ASTN2: variants seen among roughly 807,000 people sequenced by gnomAD.
ASTN2 encodes astrotactin-2.
Under a neutral mutation model 139.8 loss-of-function variants are expected in ASTN2, and 54 were observed. The ratio of observed to expected loss-of-function variants is 0.39; its 90% CI spans 0.31 to 0.48. ASTN2 has a LOEUF of 0.48. ASTN2 is among the 20% of genes least tolerant of loss of function. The probability of loss-of-function intolerance (pLI) is 0.95; values close to 1 mark genes in which losing one functional copy is unlikely to be tolerated. For synonymous variants in ASTN2, 756 were observed against 719.5 expected, an observed-to-expected ratio of 1.05 and a Z score of -0.81; for missense variants, 1,565 against 1,725.1, an observed-to-expected ratio of 0.91 and a Z score of 1.64.
intron 1 of ASTN2, among the ~76,000 whole-genome samples, chr9:117,303,549 C>G (rs891792838): frequency 6.6e-6 from 1 of 152,168 alleles, no homozygotes; most frequent in Non-Finnish European, 1.5e-5. Flanking sequence ...GCAGCCAAAC[C>G]AGGACAACTG....
chr9:116,788,797 T>TA (rs1242718317), intron 13 of ASTN2, among the ~76,000 whole-genome samples: 11 of 152,158 alleles, frequency 7.2e-5, no homozygotes, highest in Admixed American at 3.9e-4. Context: ...GGGGTGACAG[T>TA]AAAAAACAAG....
chr9:117,117,358 G>T (rs1391262367), intron 4 of ASTN2, among the ~76,000 whole-genome samples: 1 of 110,990 alleles, frequency 9.0e-6, no homozygotes, highest in Non-Finnish European at 1.9e-5. Context: ...TGGGAAAAAA[G>T]CAAAGTGGAG....
At chr9:116,803,028 C>A (rs575323792) in intron 13 of ASTN2, among the ~76,000 whole-genome samples, 1 of 152,156 alleles carries the variant, frequency 6.6e-6, no homozygotes, top group African/African-American at 2.4e-5. Context: ...TGGAAACCAT[C>A]GTCTTTCCTT....
intron 7 of ASTN2, among the ~76,000 whole-genome samples, chr9:116,982,331 T>C (rs992631580): frequency 6.6e-6 from 1 of 152,198 alleles, no homozygotes; most frequent in African/African-American, 2.4e-5. Context: ...AGTGCTGTAC[T>C]TGAAAAATCC....
intron 17 of ASTN2, among the ~76,000 whole-genome samples, chr9:116,648,898 G>A (rs1857748361): frequency 1.3e-5 from 2 of 152,074 alleles, no homozygotes; most frequent in African/African-American, 2.4e-5. Flanking sequence ...GCCAGGCATG[G>A]TGGTGGACGC....
chr9:116,651,599 T>G lies in ASTN2; in HGVS notation c.3001A>C (p.Thr1001Pro), dbSNP rs906007263. Reference sequence around the variant, plus strand: ...CGGTTGATTTCCAGCAGCACTGGTGTGGGGCTCAGCTGCTCCTTGCCTGGC... The same window carrying G: ...CGGTTGATTTCCAGCAGCACTGGTGGGGGGCTCAGCTGCTCCTTGCCTGGC... ...RRPGKEQLSP[T>P]PVLLEINRVV... Residue 1001 changes from threonine (T) to proline (P), a missense_variant, in exon 17 of 23, where the codon ACA becomes CCA. Coordinates refer to ENST00000313400, the MANE Select transcript of ASTN2 (RefSeq NM_001365068.1). The G allele has an allele frequency of 6.2e-7, 1 of 1,614,062 alleles. No homozygotes were observed. The highest frequency in any genetic ancestry group is 1.3e-5 in the African/African-American group (1 of 74,926).
chr9:116,871,589 T>C (rs898424628), intron 10 of ASTN2, among the ~76,000 whole-genome samples: 1 of 152,202 alleles, frequency 6.6e-6, no homozygotes, highest in African/African-American at 2.4e-5. Context: ...ACTGGCTACT[T>C]TCAGTTAGCA....
At chr9:117,044,208 G>C (rs1363711560) in intron 5 of ASTN2, among the ~76,000 whole-genome samples, 1 of 152,138 alleles carries the variant, frequency 6.6e-6, no homozygotes, top group Non-Finnish European at 1.5e-5. Flanking sequence ...AACATATTAG[G>C]AACTCAATTA....
At chr9:116,905,234 T>C (rs1834124037) in intron 10 of ASTN2, among the ~76,000 whole-genome samples, 1 of 152,130 alleles carries the variant, frequency 6.6e-6, no homozygotes, top group Non-Finnish European at 1.5e-5. Flanking sequence ...CTAGCGGAAA[T>C]AAATGTACAA....
At chr9:117,111,265 C>A (rs1014392376) in intron 4 of ASTN2, among the ~76,000 whole-genome samples, 1 of 152,140 alleles carries the variant, frequency 6.6e-6, no homozygotes, top group Non-Finnish European at 1.5e-5. Context: ...TCTAAGATGA[C>A]CCAGATGTTG....
chr9:117,145,195 A>T (rs1830167437), intron 3 of ASTN2, among the ~76,000 whole-genome samples: 1 of 152,148 alleles, frequency 6.6e-6, no homozygotes, highest in Non-Finnish European at 1.5e-5. Flanking sequence ...AGTTATGTGG[A>T]TCACACATGC....
chr9:116,828,846 C>A (rs1266647244), intron 11 of ASTN2, among the ~76,000 whole-genome samples: 1 of 152,036 alleles, frequency 6.6e-6, no homozygotes, highest in Non-Finnish European at 1.5e-5. Flanking sequence ...AAATAAGATG[C>A]AGAAATCAGT....
intron 3 of ASTN2, among the ~76,000 whole-genome samples, chr9:117,151,713 G>A (rs1830330279): frequency 6.6e-6 from 1 of 152,108 alleles, no homozygotes; most frequent in South Asian, 2.1e-4. Flanking sequence ...GCAAGAGAAA[G>A]GGGCAAGGGT....
At chr9:116,755,197 T>A (rs930926205) in intron 13 of ASTN2, among the ~76,000 whole-genome samples, 4 of 152,202 alleles carry the variant, frequency 2.6e-5, no homozygotes, top group Admixed American at 1.3e-4. Flanking sequence ...TGAAAGATAT[T>A]CAGGTTCTAA....
chr9:116,921,253 A>G (rs1213837094), intron 10 of ASTN2, among the ~76,000 whole-genome samples: 1 of 152,150 alleles, frequency 6.6e-6, no homozygotes, highest in Non-Finnish European at 1.5e-5. Flanking sequence ...TGATCCAATC[A>G]CCTTCCACCA....
intron 10 of ASTN2, among the ~76,000 whole-genome samples, chr9:116,894,724 G>A (rs972990097): frequency 1.3e-5 from 2 of 152,116 alleles, no homozygotes; most frequent in Non-Finnish European, 2.9e-5. Flanking sequence ...GATTACAGAC[G>A]AGAGCCACCG....
At chr9:116,786,787 G>T (rs1420331290) in intron 13 of ASTN2, among the ~76,000 whole-genome samples, 2 of 152,150 alleles carry the variant, frequency 1.3e-5, no homozygotes, top group East Asian at 1.9e-4. Flanking sequence ...TTGAATTGTG[G>T]TTCCCATTAT....
chr9:116,634,568 C>T (rs1457037012), intron 17 of ASTN2, among the ~76,000 whole-genome samples: 5 of 131,606 alleles, frequency 3.8e-5, no homozygotes, highest in African/African-American at 9.2e-5. Context: ...CCAGCCTGGG[C>T]GACAGAGCGA....
chr9:117,239,964 C>G (rs753101523), intron 2 of ASTN2, among the ~76,000 whole-genome samples: 4 of 152,154 alleles, frequency 2.6e-5, no homozygotes, highest in Admixed American at 6.5e-5. Flanking sequence ...GTTCCTTGAC[C>G]TACAATGGGT....
Sources: gnomAD v4.1 joint callset for allele counts (sites outside exome capture counted in the v4.1 genomes callset) on GRCh38, gnomAD v4.1.1 for gene constraint, MANE v1.5 for transcripts, NCBI Gene and HGNC (gene_info 2026-07-23, HGNC 2026-07-21) for gene names.